PRDM16: variants seen among roughly 807,000 people sequenced by gnomAD.
PRDM16 encodes the protein PR/SET domain 16.
Under a neutral mutation model 110.6 loss-of-function variants are expected in PRDM16, and 23 were observed. That is an observed-to-expected ratio of 0.21 (90% CI 0.15 to 0.29). PRDM16 has a LOEUF of 0.29. Ranked by LOEUF, PRDM16 falls within the 10% of genes least tolerant of loss-of-function variation. PRDM16 has a pLI of 1.00. For missense variants in PRDM16, 1,615 were observed against 1,794.3 expected, an observed-to-expected ratio of 0.90 and a Z score of 1.81; for synonymous variants, 799 against 781.8, an observed-to-expected ratio of 1.02 and a Z score of -0.37.
At chr1:3,093,821 G>A (rs1189746990) in intron 1 of PRDM16, among the ~76,000 whole-genome samples, 2 of 152,216 alleles carry the variant, frequency 1.3e-5, no homozygotes, top group Admixed American at 6.5e-5. Context: ...GCCCAGCTCC[G>A]AAGCGCAGGG....
At chr1:3,203,250 G>T (rs1638674623) in intron 2 of PRDM16, among the ~76,000 whole-genome samples, 2 of 152,320 alleles carry the variant, frequency 1.3e-5, no homozygotes, top group East Asian at 1.9e-4. Flanking sequence ...TGAGATGGTT[G>T]CGTCCCACGC....
intron 3 of PRDM16, among the ~76,000 whole-genome samples, chr1:3,313,513 C>T (rs1641516770): frequency 6.6e-6 from 1 of 152,226 alleles, no homozygotes. Context: ...AGAGAAACAA[C>T]CTGGAAAGAG....
intron 1 of PRDM16, among the ~76,000 whole-genome samples, chr1:3,097,541 T>A (rs115143588): frequency 0.014 from 2,054 of 151,462 alleles, 51 homozygotes; most frequent in African/African-American, 0.047. Context: ...CACACGGTGA[T>A]GAACTTAAAA....
intron 3 of PRDM16, among the ~76,000 whole-genome samples, chr1:3,352,714 A>G (rs1391727654): frequency 6.6e-6 from 1 of 152,204 alleles, no homozygotes; most frequent in African/African-American, 2.4e-5. Context: ...ACACCCACCC[A>G]GTATAAAATT....
At chr1:3,386,109 C>G (rs1025778235) in intron 4 of PRDM16, among the ~76,000 whole-genome samples, 3 of 152,160 alleles carry the variant, frequency 2.0e-5, no homozygotes, top group Non-Finnish European at 4.4e-5. Flanking sequence ...CCGGGCGGCA[C>G]TTTCCGCCTG....
chr1:3,326,907 T>G (rs1641925670), intron 3 of PRDM16, among the ~76,000 whole-genome samples: 2 of 152,204 alleles, frequency 1.3e-5, no homozygotes, highest in Non-Finnish European at 1.5e-5. Context: ...CCTCTGTCTC[T>G]GAGGGAAAAT....
intron 1 of PRDM16, among the ~76,000 whole-genome samples, chr1:3,093,234 A>C (rs1642317214): frequency 6.6e-6 from 1 of 152,150 alleles, no homozygotes; most frequent in African/African-American, 2.4e-5. Context: ...TTTCAGAGGT[A>C]AAGCCCAGGC....
chr1:3,276,164 G>T (rs1384334335), intron 3 of PRDM16, among the ~76,000 whole-genome samples: 2 of 152,256 alleles, frequency 1.3e-5, no homozygotes, highest in Admixed American at 6.5e-5. Context: ...GTTAAGGCAG[G>T]TTTATTTTTC....
At chr1:3,372,597 A>G (rs1015394294) in intron 3 of PRDM16, among the ~76,000 whole-genome samples, 1 of 152,206 alleles carries the variant, frequency 6.6e-6, no homozygotes, top group Non-Finnish European at 1.5e-5. Context: ...AATCTTTGCT[A>G]TGCTCAAAAA....
chr1:3,277,729 G>A (rs548750515), intron 3 of PRDM16, among the ~76,000 whole-genome samples: 14 of 150,554 alleles, frequency 9.3e-5, no homozygotes, highest in African/African-American at 2.7e-4. Flanking sequence ...ACACACACAC[G>A]CGCGCACACA....
chr1:3,096,524 G>C (rs1401823399), intron 1 of PRDM16, among the ~76,000 whole-genome samples: 1 of 152,202 alleles, frequency 6.6e-6, no homozygotes, highest in Non-Finnish European at 1.5e-5. Flanking sequence ...GAAACCACTG[G>C]CAAAGCCTGA....
intron 3 of PRDM16, among the ~76,000 whole-genome samples, chr1:3,310,922 A>G (rs55776902): frequency 0.1 from 15,112 of 151,860 alleles, 878 homozygotes; most frequent in African/African-American, 0.15. Context: ...GCACGTGTGC[A>G]TGCATGTGAG....
intron 3 of PRDM16, among the ~76,000 whole-genome samples, chr1:3,314,445 G>A (rs1641549624): frequency 6.6e-6 from 1 of 152,124 alleles, no homozygotes. Context: ...GGAAGGCCAC[G>A]ATGAGGATGG....
intron 1 of PRDM16, among the ~76,000 whole-genome samples, chr1:3,106,771 G>A (rs1642667704): frequency 6.6e-6 from 1 of 152,174 alleles, no homozygotes; most frequent in African/African-American, 2.4e-5. Context: ...TGGTATCAGC[G>A]AGGCAGTGCT....
At chr1:3,161,428 G>C (rs1643895861) in intron 1 of PRDM16, among the ~76,000 whole-genome samples, 1 of 152,230 alleles carries the variant, frequency 6.6e-6, no homozygotes, top group African/African-American at 2.4e-5. Context: ...TCCTCAAGCT[G>C]ATTAGCGGGT....
intron 1 of PRDM16, among the ~76,000 whole-genome samples, chr1:3,094,391 G>A (rs941655910): frequency 1.3e-5 from 2 of 152,226 alleles, no homozygotes; most frequent in South Asian, 4.1e-4. Context: ...CAGAGACGTG[G>A]GCTCCCAAGG....
At chr1:3,179,927 C>T (rs1482101275) in intron 1 of PRDM16, among the ~76,000 whole-genome samples, 1 of 152,108 alleles carries the variant, frequency 6.6e-6, no homozygotes, top group Non-Finnish European at 1.5e-5. Context: ...CCCAGGCTGC[C>T]ACCGGATTTG....
intron 3 of PRDM16, among the ~76,000 whole-genome samples, chr1:3,251,766 A>G (rs1639939050): frequency 6.6e-6 from 1 of 152,198 alleles, no homozygotes; most frequent in South Asian, 2.1e-4. Context: ...TAGGAGCCAG[A>G]TGGTGGCGTC....
rs1250941183 is a variant in PRDM16 at position 3,243,414 on chromosome 1, C to A, written c.388-673C>A. On this transcript the variant is annotated intron_variant, in intron 2 of 16. Transcript: ENST00000270722. This position sits in a 1 kb window ranked among gnomAD's most constrained non-coding sequence, Gnocchi z 5.5. ...AGAGGAAGCAGAGAAATGGCATGAGCTCCCTCTCCCTCCAGCACCCACCAA... is the reference window on the plus strand; with the variant it reads ...AGAGGAAGCAGAGAAATGGCATGAGATCCCTCTCCCTCCAGCACCCACCAA... Among the ~76,000 whole-genome samples the A allele has an allele frequency of 6.6e-6, 1 of 151,612 alleles. No individual in the cohort carries two copies. The highest frequency in any genetic ancestry group is 1.9e-4 in the East Asian group (1 of 5,188).
Sources: allele counts gnomAD v4.1 joint callset (sites outside exome capture counted in the v4.1 genomes callset), GRCh38; gene constraint gnomAD v4.1.1; non-coding constraint Gnocchi (gnomAD v3.1); transcripts MANE v1.5; gene names NCBI Gene and HGNC (gene_info 2026-07-23, HGNC 2026-07-21).